Variants in IDE observed in about 807,000 individuals in gnomAD.
The protein encoded by IDE is insulin-degrading enzyme.
Under a neutral mutation model 133.2 loss-of-function variants are expected in IDE, and 58 were observed. The observed-to-expected ratio is 0.44, with a 90% CI of 0.35 to 0.54. The LOEUF is 0.54. Among genes scored for constraint, IDE ranks in the 20% least tolerant of loss-of-function variants. IDE has a pLI of 0.00. For missense variants in IDE, 981 were observed against 1,234.0 expected (o/e 0.79, Z 3.07); for synonymous variants, 396 against 421.3 (o/e 0.94, Z 0.73).
At chr10:92,491,548 T>A (rs568880481) in intron 11 of IDE, among the ~76,000 whole-genome samples, 1 of 151,790 alleles carries the variant, frequency 6.6e-6, no homozygotes, top group South Asian at 2.1e-4. Context: ...AGAACTCTCC[T>A]GCCTCAGCCT....
At chr10:92,523,048 TA>T (rs969279874) in intron 4 of IDE, among the ~76,000 whole-genome samples, 3 of 152,052 alleles carry the variant, frequency 2.0e-5, no homozygotes, top group African/African-American at 7.2e-5. Context: ...GTAGGGGGAC[TA>T]AAAAAATTAC....
At position 92,560,618 on chromosome 10, in the gene IDE, A is replaced by G. The variant is rs138924081; in HGVS notation, c.98+13304T>C. Reference sequence around the variant, plus strand: ...TTCAACAAGGGGAAACCTCGTCTCTACTAAAAATACAAAAATTAGCCAGGC... The same window carrying G: ...TTCAACAAGGGGAAACCTCGTCTCTGCTAAAAATACAAAAATTAGCCAGGC... On this transcript the variant is annotated intron_variant, in intron 1 of 24. Coordinates refer to ENST00000265986, the MANE Select transcript of IDE (RefSeq NM_004969.4). Among the ~76,000 whole-genome samples, 1,421 of 151,950 alleles carry G rather than the reference A, an allele frequency of 9.4e-3. 18 individuals are homozygous for G. Among genetic ancestry groups the G allele is most frequent in the African/African-American group, 0.032 (1,338 of 41,458 alleles).
rs955804030 is a variant in IDE at position 92,572,917 on chromosome 10, G to T, written c.98+1005C>A. On this transcript the variant is annotated intron_variant, in intron 1 of 24. Coordinates refer to ENST00000265986, the MANE Select transcript of IDE (RefSeq NM_004969.4). The stretch of plus-strand genomic sequence containing the variant: ...TTCTGACCCTCATCAACACACCCTT[G>T]TAGCTATCTCAATTCCCGTGGCATC... 18 of 984,958 alleles carry T rather than the reference G, an allele frequency of 1.8e-5. No individual in the cohort carries two copies. The East Asian group carries it at 1.2e-3, about 68-fold the overall frequency. 61.0% of individuals were successfully genotyped at this position (984,958 alleles called of 1,614,324 possible). A position where few individuals can be genotyped will look rare whatever the true frequency, so the allele number is the denominator to read the frequency against.
intron 17 of IDE, among the ~76,000 whole-genome samples, chr10:92,473,483 C>T (rs1257910088): frequency 2.0e-5 from 3 of 151,530 alleles, no homozygotes; most frequent in Non-Finnish European, 4.4e-5. Flanking sequence ...ATAATCACTG[C>T]TCTTAAGGAA....
At chr10:92,563,857 G>A (rs1038007307) in intron 1 of IDE, among the ~76,000 whole-genome samples, 2 of 152,170 alleles carry the variant, frequency 1.3e-5, no homozygotes, top group Admixed American at 1.3e-4. Flanking sequence ...GAAGCCATAT[G>A]TCTTTTTTGT....
intron 11 of IDE, among the ~76,000 whole-genome samples, chr10:92,498,491 C>T (rs910942404): frequency 5.3e-5 from 8 of 152,042 alleles, no homozygotes; most frequent in African/African-American, 1.9e-4. Flanking sequence ...CATGGTGGCT[C>T]ACACCTGTAA....
intron 1 of IDE, among the ~76,000 whole-genome samples, chr10:92,570,408 A>G (rs1235014538): frequency 6.6e-6 from 1 of 152,190 alleles, no homozygotes; most frequent in Non-Finnish European, 1.5e-5. Context: ...CAGAGTAGAC[A>G]TTCAAATAAT....
intron 1 of IDE, among the ~76,000 whole-genome samples, chr10:92,555,857 A>G (rs1399157485): frequency 6.6e-6 from 1 of 152,200 alleles, no homozygotes; most frequent in African/African-American, 2.4e-5. Flanking sequence ...CAAGAAAATG[A>G]AATAAACGGC....
At chr10:92,477,549 C>T (rs184296472) in intron 15 of IDE, among the ~76,000 whole-genome samples, 70 of 152,222 alleles carry the variant, frequency 4.6e-4, no homozygotes, top group Middle Eastern at 3.4e-3. Flanking sequence ...CATGGTGGCA[C>T]GCAAAGCAGT....
At chr10:92,485,105 TTTTCTTTC>T (rs202132611) in intron 13 of IDE, among the ~76,000 whole-genome samples, 6 of 141,764 alleles carry the variant, frequency 4.2e-5, no homozygotes, top group Middle Eastern at 7.0e-3. Context: ...GGTTGTTTCT[TTTTCTTTC>T]TTTCTTTCTT....
chr10:92,464,878 C>T (rs7898862), intron 20 of IDE, among the ~76,000 whole-genome samples: 20,719 of 152,196 alleles, frequency 0.14, 1,846 homozygotes, highest in African/African-American at 0.24. Context: ...CCATGTTGGC[C>T]AGTCTGGTCT....
intron 14 of IDE, among the ~76,000 whole-genome samples, 180 bp downstream of exon 14, chr10:92,483,075 C>T (rs553972432): frequency 5.7e-4 from 87 of 152,262 alleles, no homozygotes; most frequent in African/African-American, 2.0e-3. Context: ...CCACCGTGCC[C>T]GGCCAACCTC....
intron 1 of IDE, among the ~76,000 whole-genome samples, chr10:92,561,896 T>C (rs1843302770): frequency 6.6e-6 from 1 of 152,246 alleles, no homozygotes; most frequent in East Asian, 1.9e-4. Context: ...TCATTTTTAT[T>C]ATTAACAAAA....
At chr10:92,500,333 T>C (rs1226019941) in intron 11 of IDE, among the ~76,000 whole-genome samples, 1 of 150,268 alleles carries the variant, frequency 6.7e-6, no homozygotes, top group Non-Finnish European at 1.5e-5. Flanking sequence ...GATAGATGAA[T>C]GCATAAAGAA....
chr10:92,496,392 T>C (rs1402340568), intron 11 of IDE, among the ~76,000 whole-genome samples: 1 of 152,206 alleles, frequency 6.6e-6, no homozygotes, highest in African/African-American at 2.4e-5. Context: ...ACTCCTCTCT[T>C]ATTTACCTGG....
intron 1 of IDE, among the ~76,000 whole-genome samples, chr10:92,565,523 C>A (rs935499152): frequency 4.6e-5 from 7 of 152,100 alleles, no homozygotes; most frequent in African/African-American, 1.7e-4. Flanking sequence ...CTTCCGATAT[C>A]ATCTTCCACC....
In IDE at chr10:92,468,961, T is replaced by C. The variant is rs774286254; in HGVS notation, c.2238A>G (p.Glu746=). The change falls in exon 19 of 25, where the codon GAA becomes GAG. Residue 746 remains glutamate (E), a synonymous_variant. Coordinates refer to ENST00000265986, the MANE Select transcript of IDE (RefSeq NM_004969.4). The part of the protein sequence containing the change: ...QAALGIMQMV[E]DTLIEHAHTK... ...TATGAGCATGTTCAATGAGGGTGTC[T>C]TCAACCATCTGCATAATTCCTAATG... 1 of 1,610,284 alleles carries C rather than the reference T, an allele frequency of 6.2e-7. No individual in the cohort carries two copies. Among genetic ancestry groups the C allele is most frequent in the Non-Finnish European group, 8.5e-7 (1 of 1,176,502 alleles).
At chr10:92,502,728 T>C (rs1848091594) in intron 11 of IDE, among the ~76,000 whole-genome samples, 1 of 152,228 alleles carries the variant, frequency 6.6e-6, no homozygotes, top group Admixed American at 6.5e-5. Flanking sequence ...GTTCACTGAA[T>C]GGAAAAGGAA....
At chr10:92,552,121 T>C (rs1318658747) in intron 1 of IDE, among the ~76,000 whole-genome samples, 1 of 152,084 alleles carries the variant, frequency 6.6e-6, no homozygotes, top group Non-Finnish European at 1.5e-5. Context: ...CATAATCACA[T>C]TGAAGGAGTG....
Sources: allele counts gnomAD v4.1 joint callset (sites outside exome capture counted in the v4.1 genomes callset), GRCh38; gene constraint gnomAD v4.1.1; transcripts MANE v1.5; gene names NCBI Gene and HGNC (gene_info 2026-07-23, HGNC 2026-07-21).